Variants in CDH13 observed in about 807,000 individuals in gnomAD.
The protein encoded by CDH13 is cadherin-13.
A neutral mutation model predicts 63.8 loss-of-function variants in CDH13; 24 were observed. The observed-to-expected ratio is 0.38, with a 90% CI of 0.27 to 0.53. The LOEUF is 0.53. CDH13 is among the 20% of genes least tolerant of loss of function. The pLI is 0.85. For synonymous variants in CDH13, 503 were observed against 355.3 expected, an observed-to-expected ratio of 1.42 and a Z score of -4.67; for missense variants, 1,049 against 903.1, an observed-to-expected ratio of 1.16 and a Z score of -2.07.
At chr16:82,968,858 G>A (rs149843405) in intron 2 of CDH13, among the ~76,000 whole-genome samples, 2 of 152,160 alleles carry the variant, frequency 1.3e-5, no homozygotes, top group Non-Finnish European at 2.9e-5. Context: ...AGTGGCTCAC[G>A]CCTGTAATCC....
At chr16:83,079,822 G>A (rs1401812293) in intron 3 of CDH13, among the ~76,000 whole-genome samples, 1 of 152,194 alleles carries the variant, frequency 6.6e-6, no homozygotes, top group African/African-American at 2.4e-5. Context: ...GATCCATGGT[G>A]TTGGAAAATA....
At chr16:82,858,781 C>T in intron 2 of CDH13, 1 of 427,394 alleles carries the variant, frequency 2.3e-6, no homozygotes, top group Non-Finnish European at 4.1e-6. Flanking sequence ...AAATTCATTT[C>T]CCCTGGGCAG....
intron 8 of CDH13, among the ~76,000 whole-genome samples, chr16:83,618,059 A>C (rs549961909): frequency 6.6e-6 from 1 of 152,328 alleles, no homozygotes; most frequent in African/African-American, 2.4e-5. Flanking sequence ...TGATCAAATA[A>C]CTGATGAATG....
intron 4 of CDH13, among the ~76,000 whole-genome samples, chr16:83,210,174 C>A (rs888158247): frequency 6.6e-6 from 1 of 151,994 alleles, no homozygotes; most frequent in African/African-American, 2.4e-5. Flanking sequence ...AAGCGATTCT[C>A]CTGCCTCAGC....
intron 1 of CDH13, among the ~76,000 whole-genome samples, chr16:82,841,626 C>T (rs180948132): frequency 6.6e-6 from 1 of 152,230 alleles, no homozygotes; most frequent in East Asian, 1.9e-4. Context: ...TGTTCCATTA[C>T]TGGAAGGGTT....
chr16:82,900,732 A>T (rs550014828), intron 2 of CDH13, among the ~76,000 whole-genome samples: 111 of 152,346 alleles, frequency 7.3e-4, no homozygotes, highest in Non-Finnish European at 1.4e-3. Flanking sequence ...GGGAGAGGCC[A>T]GTGCTAAGGC....
At chr16:83,627,349 G>A (rs1402259172) in intron 8 of CDH13, among the ~76,000 whole-genome samples, 1 of 152,166 alleles carries the variant, frequency 6.6e-6, no homozygotes, top group Non-Finnish European at 1.5e-5. Flanking sequence ...TAGGAGTGGA[G>A]TGGGATAAAC....
chr16:83,548,166 G>A (rs150392936), intron 7 of CDH13, among the ~76,000 whole-genome samples: 3 of 152,200 alleles, frequency 2.0e-5, no homozygotes, highest in African/African-American at 7.2e-5. Context: ...ACCTAGTGGG[G>A]GTGCCAGGGT....
In CDH13 at chr16:83,590,510, A is replaced by G. The variant is rs529988700; in HGVS notation, c.961-11944A>G. The stretch of plus-strand genomic sequence containing the variant: ...TATTGGCCCATGGAGGATAAGGGAG[A>G]GCATCTAGTGGAGACATCCATAACA... On this transcript the variant is annotated intron_variant, in intron 7 of 13. Coordinates refer to ENST00000567109, the MANE Select transcript of CDH13 (RefSeq NM_001257.5). Among the ~76,000 whole-genome samples, 6 of 152,248 alleles carry G rather than the reference A, an allele frequency of 3.9e-5. No individual in the cohort carries two copies. The East Asian group carries it at 7.7e-4, about 20-fold the overall frequency.
chr16:82,689,672 C>T (rs550302202), intron 1 of CDH13, among the ~76,000 whole-genome samples: 2 of 152,146 alleles, frequency 1.3e-5, no homozygotes, highest in African/African-American at 4.8e-5. Context: ...GTGCATAGCC[C>T]CCTCCCGTTT....
chr16:82,795,681 C>T (rs79499944), intron 1 of CDH13, among the ~76,000 whole-genome samples: 4 of 152,178 alleles, frequency 2.6e-5, no homozygotes, highest in Non-Finnish European at 4.4e-5. Context: ...TCTGTAGACC[C>T]TCCACTCTTA....
chr16:82,936,755 A>G (rs2042680133), intron 2 of CDH13, among the ~76,000 whole-genome samples: 1 of 152,176 alleles, frequency 6.6e-6, no homozygotes, highest in Non-Finnish European at 1.5e-5. Flanking sequence ...GAATAGGTAG[A>G]ATCAACTCTA....
chr16:83,243,192 C>T (rs1325811762), intron 5 of CDH13, among the ~76,000 whole-genome samples: 1 of 152,126 alleles, frequency 6.6e-6, no homozygotes, highest in Non-Finnish European at 1.5e-5. Flanking sequence ...GAGCTTCTCT[C>T]ATCTATGGCT....
In CDH13 at chr16:82,878,816, A is replaced by G. The variant is rs146136986; in HGVS notation, c.157+20343A>G. On this transcript the variant is annotated intron_variant, in intron 2 of 13. Coordinates refer to ENST00000567109, the MANE Select transcript of CDH13 (RefSeq NM_001257.5). ...CTGTCATCAGCAATTGTGCCTTTCT[A>G]GGTGTCACCTGAATATCTAACATTG... Among the ~76,000 whole-genome samples, 117 of 152,176 alleles carry G rather than the reference A, an allele frequency of 7.7e-4. 1 individual carries two copies. The East Asian group carries it at 0.023, about 29-fold the overall frequency.
At chr16:83,425,261 A>G (rs143202861) in intron 6 of CDH13, among the ~76,000 whole-genome samples, 1 of 152,358 alleles carries the variant, frequency 6.6e-6, no homozygotes, top group African/African-American at 2.4e-5. Context: ...AATGGGACCC[A>G]ATATGTCATC....
intron 2 of CDH13, among the ~76,000 whole-genome samples, chr16:82,980,338 C>A (rs1199447443): frequency 6.6e-6 from 1 of 152,130 alleles, no homozygotes; most frequent in African/African-American, 2.4e-5. Flanking sequence ...AGTGCTTTGG[C>A]TGGGTCCGTA....
At chr16:83,172,072 G>T (rs1376210529) in intron 4 of CDH13, among the ~76,000 whole-genome samples, 8 of 152,104 alleles carry the variant, frequency 5.3e-5, no homozygotes, top group Non-Finnish European at 4.4e-5. Flanking sequence ...TTGGACATAG[G>T]ATCTTTACAG....
chr16:83,488,102 A>G (rs2073933532), intron 7 of CDH13, among the ~76,000 whole-genome samples: 1 of 152,214 alleles, frequency 6.6e-6, no homozygotes, highest in African/African-American at 2.4e-5. Flanking sequence ...TTGCAATTTT[A>G]AAGTATATTA....
At chr16:82,978,709 G>A (rs1909858313) in intron 2 of CDH13, among the ~76,000 whole-genome samples, 1 of 152,266 alleles carries the variant, frequency 6.6e-6, no homozygotes, top group Non-Finnish European at 1.5e-5. Flanking sequence ...GTGATGTCCA[G>A]GCAGAAGTTT....
Sources: allele counts gnomAD v4.1 joint callset (sites outside exome capture counted in the v4.1 genomes callset), GRCh38; gene constraint gnomAD v4.1.1; transcripts MANE v1.5; gene names NCBI Gene and HGNC (gene_info 2026-07-23, HGNC 2026-07-21).